The following CCDC33 variants were observed in gnomAD, a reference collection of about 807,000 sequenced individuals.
CCDC33 encodes the protein coiled-coil domain containing 33.
Under a neutral mutation model 91.9 loss-of-function variants are expected in CCDC33, and 94 were observed. That is an observed-to-expected ratio of 1.02 (90% CI 0.87 to 1.21). The LOEUF (loss-of-function observed/expected upper bound fraction) is 1.21. CCDC33 is among the 50% of genes most tolerant of loss of function. CCDC33 has a pLI of 0.00. For missense variants in CCDC33, 940 were observed against 935.5 expected, an observed-to-expected ratio of 1.00 and a Z score of -0.06; for synonymous variants, 396 against 374.5, an observed-to-expected ratio of 1.06 and a Z score of -0.66.
upstream of CCDC33, among the ~76,000 whole-genome samples, chr15:74,216,131 A>G (rs1160620644): frequency 6.6e-6 from 1 of 152,088 alleles, no homozygotes; most frequent in Non-Finnish European, 1.5e-5. Context: ...GAGAGCTGCT[A>G]TTACTGAGTC....
intron 1 of CCDC33, among the ~76,000 whole-genome samples, chr15:74,204,452 C>T (rs1230732087): frequency 1.3e-5 from 2 of 152,226 alleles, no homozygotes; most frequent in African/African-American, 4.8e-5. Flanking sequence ...CCCAGAGTCC[C>T]CGTGCCCACA....
intron 2 of CCDC33, among the ~76,000 whole-genome samples, chr15:74,260,186 C>T (rs1278000480): frequency 6.6e-6 from 1 of 152,142 alleles, no homozygotes; most frequent in Non-Finnish European, 1.5e-5. Context: ...AGATTGCACC[C>T]CTTGGTCAAG....
chr15:74,251,156 T>C (rs1595944359), intron 2 of CCDC33, among the ~76,000 whole-genome samples: 1 of 152,326 alleles, frequency 6.6e-6, no homozygotes, highest in South Asian at 2.1e-4. Flanking sequence ...GGCTGGCTTG[T>C]GTTCTGGCCT....
At chr15:74,203,861 G>A (rs200107312) in intron 1 of CCDC33, among the ~76,000 whole-genome samples, 2 of 152,160 alleles carry the variant, frequency 1.3e-5, no homozygotes, top group East Asian at 1.9e-4. Flanking sequence ...GTGATCTGAA[G>A]GGCAGGGGAA....
intron 17 of CCDC33, 96 bp downstream of exon 17, chr15:74,334,063 T>C: frequency 9.1e-7 from 1 of 1,102,126 alleles, no homozygotes; most frequent in Non-Finnish European, 1.3e-6. Context: ...GCTCAATCTA[T>C]GACCAGGATC....
chr15:74,280,477 C>T (rs2059337899), intron 8 of CCDC33, among the ~76,000 whole-genome samples, 191 bp from the exon 9 acceptor site: 1 of 152,212 alleles, frequency 6.6e-6, no homozygotes, highest in South Asian at 2.1e-4. Context: ...AATTCCCAGA[C>T]ACACAGAGTA....
chr15:74,269,512 A>G (rs1430323705), intron 5 of CCDC33, among the ~76,000 whole-genome samples: 1 of 152,114 alleles, frequency 6.6e-6, no homozygotes, highest in Non-Finnish European at 1.5e-5. Flanking sequence ...GCCACCTTCT[A>G]TCACGCCCTT....
At chr15:74,211,694 G>A (rs2074370546) in intron 2 of CCDC33, among the ~76,000 whole-genome samples, 1 of 151,896 alleles carries the variant, frequency 6.6e-6, no homozygotes, top group African/African-American at 2.4e-5. Context: ...ATGAGTCACG[G>A]TGCTCAGCCC....
At chr15:74,253,410 G>T (rs1042716735) in intron 2 of CCDC33, among the ~76,000 whole-genome samples, 1 of 152,168 alleles carries the variant, frequency 6.6e-6, no homozygotes, top group Non-Finnish European at 1.5e-5. Flanking sequence ...AGGGGCTGGG[G>T]CTCTGGGCAC....
At chr15:74,294,184 G>C (rs1442045948) in intron 10 of CCDC33, among the ~76,000 whole-genome samples, 1 of 152,128 alleles carries the variant, frequency 6.6e-6, no homozygotes, top group Non-Finnish European at 1.5e-5. Context: ...TGTGCCCATT[G>C]CTCTATTTAT....
chr15:74,280,285 C>A (rs2076558543), intron 8 of CCDC33, among the ~76,000 whole-genome samples, 193 bp downstream of exon 8: 1 of 152,164 alleles, frequency 6.6e-6, no homozygotes, highest in Non-Finnish European at 1.5e-5. Flanking sequence ...TGGGCCTGTC[C>A]CATACTAGGT....
At chr15:74,295,080 G>T (rs1321871184) in intron 10 of CCDC33, among the ~76,000 whole-genome samples, 1 of 152,208 alleles carries the variant, frequency 6.6e-6, no homozygotes, top group Non-Finnish European at 1.5e-5. Flanking sequence ...ATGGAAAATA[G>T]GTCTACATAG....
Position 74,330,239 on chromosome 15 carries a change from G to A in CCDC33, c.1341G>A (p.Leu447=). Residue 447 remains leucine (L), a synonymous_variant, in exon 12 of 19, where the codon CTG becomes CTA. Transcript: ENST00000398814. ...TGCAGAAGATGGCAGAGGACATCCT[G>A]TCTCTGCGGAGACAGGCCAGCATCC... The part of the protein sequence containing the change: ...RAMQKMAEDI[L]SLRRQASILE... 1.2e-6 allele frequency: 2 copies of A among 1,613,100 alleles called. No homozygotes were observed. The highest frequency in any genetic ancestry group is 2.2e-5 in the South Asian group (2 of 91,038).
chr15:74,296,361 A>G (rs1473383615), intron 11 of CCDC33, among the ~76,000 whole-genome samples: 1 of 152,184 alleles, frequency 6.6e-6, no homozygotes, highest in Non-Finnish European at 1.5e-5. Context: ...ACGGTGGCTC[A>G]CACCTGTAAT....
intron 1 of CCDC33, chr15:74,217,594 G>A: frequency 8.2e-7 from 1 of 1,212,684 alleles, no homozygotes; most frequent in Non-Finnish European, 1.1e-6. Flanking sequence ...ATGAAGTAGG[G>A]GTGGGGTTTG....
At chr15:74,257,682 T>C (rs2075910362) in intron 2 of CCDC33, among the ~76,000 whole-genome samples, 1 of 152,140 alleles carries the variant, frequency 6.6e-6, no homozygotes, top group East Asian at 1.9e-4. Context: ...AGCCTCACCT[T>C]CTCTCCTCTA....
At chr15:74,294,046 G>A (rs2059633516) in intron 10 of CCDC33, among the ~76,000 whole-genome samples, 1 of 152,214 alleles carries the variant, frequency 6.6e-6, no homozygotes, top group East Asian at 1.9e-4. Flanking sequence ...CATTGAATTA[G>A]TATGCATGGA....
intron 11 of CCDC33, among the ~76,000 whole-genome samples, chr15:74,314,472 G>A (rs1176334190): frequency 2.0e-5 from 3 of 152,324 alleles, no homozygotes; most frequent in Middle Eastern, 6.8e-3. Context: ...GGGTCATGGC[G>A]ACCTCAAGGC....
chr15:74,278,760 A>C (rs1334339903), intron 7 of CCDC33, among the ~76,000 whole-genome samples: 1 of 152,168 alleles, frequency 6.6e-6, no homozygotes, highest in South Asian at 2.1e-4. Context: ...TTTTCTGACC[A>C]CCCATGGGAA....
Sources: gnomAD v4.1 joint callset for allele counts (sites outside exome capture counted in the v4.1 genomes callset) on GRCh38, gnomAD v4.1.1 for gene constraint, MANE v1.5 for transcripts, NCBI Gene and HGNC (gene_info 2026-07-23, HGNC 2026-07-21) for gene names.